TTLL5: variants seen among roughly 807,000 people sequenced by gnomAD.
The protein encoded by TTLL5 is tubulin polyglutamylase TTLL5.
In TTLL5, 132 loss-of-function variants were observed where a neutral mutation model predicts 168.4. The observed-to-expected ratio is 0.78, with a 90% confidence interval of 0.68 to 0.91. The LOEUF (loss-of-function observed/expected upper bound fraction) is 0.91, where lower values mean the gene tolerates loss of function less well. Ranked by LOEUF, TTLL5 falls within the 40% of genes least tolerant of loss-of-function variation. TTLL5 has a pLI of 0.00. For missense variants in TTLL5, 1,545 were observed against 1,581.5 expected (o/e 0.98, Z 0.39); for synonymous variants, 546 against 558.6 (o/e 0.98, Z 0.32).
chr14:75,732,561 C>T, intron 13 of TTLL5, 142 bp downstream of exon 13: 1 of 676,178 alleles, frequency 1.5e-6, no homozygotes. Flanking sequence ...TTTCTTAAAT[C>T]AGCTGGTTTA....
At chr14:75,781,860 G>A (rs756183460) in intron 24 of TTLL5, among the ~76,000 whole-genome samples, 1 of 151,824 alleles carries the variant, frequency 6.6e-6, no homozygotes, top group Non-Finnish European at 1.5e-5. Flanking sequence ...GGAGGCTGAG[G>A]CAGGAGAATC....
intron 31 of TTLL5, among the ~76,000 whole-genome samples, chr14:75,911,770 CA>C (rs1032122703): frequency 6.6e-6 from 1 of 152,182 alleles, no homozygotes; most frequent in Non-Finnish European, 1.5e-5. Context: ...ATGGAATTTT[CA>C]AAATCACAAC....
At chr14:75,795,198 G>T (rs187926790) in intron 27 of TTLL5, among the ~76,000 whole-genome samples, 1 of 152,122 alleles carries the variant, frequency 6.6e-6, no homozygotes, top group Admixed American at 6.5e-5. Flanking sequence ...TTAACCTCAG[G>T]GTCTTCACTG....
In TTLL5 at chr14:75,762,398, A is replaced by C. The variant is rs188385474; in HGVS notation, c.1551-2217A>C. Among the ~76,000 whole-genome samples the C allele has an allele frequency of 1.8e-4, 28 of 152,238 alleles. No homozygotes were observed. In the East Asian group the frequency reaches 3.1e-3, roughly 17 times the overall value. ...TGACAGAGCAAGACTCCGTCTCAAA[A>C]TAAATAAATAAATAAATAGTTGGAA... is the stretch of plus-strand genomic sequence containing the variant. On this transcript the variant is annotated intron_variant, in intron 18 of 31. Transcript: ENST00000298832.
At chr14:75,724,957 TG>T (rs1888097997) in intron 12 of TTLL5, among the ~76,000 whole-genome samples, 4 of 152,208 alleles carry the variant, frequency 2.6e-5, no homozygotes, top group African/African-American at 9.6e-5. Flanking sequence ...AAGATGTTGC[TG>T]CTGACAGTGG....
intron 5 of TTLL5, among the ~76,000 whole-genome samples, chr14:75,686,616 T>TC (rs937595103): frequency 7.2e-4 from 110 of 152,226 alleles, no homozygotes; most frequent in African/African-American, 2.6e-3. Context: ...TAAATGCTTT[T>TC]CCCCCTAAAA....
chr14:75,743,201 A>G (rs991547208), intron 15 of TTLL5, among the ~76,000 whole-genome samples: 5 of 152,246 alleles, frequency 3.3e-5, no homozygotes, highest in African/African-American at 1.2e-4. Context: ...ATAGATATCC[A>G]TCATGGAGTT....
intron 31 of TTLL5, among the ~76,000 whole-genome samples, chr14:75,912,383 A>G (rs2033428775): frequency 6.6e-6 from 1 of 152,188 alleles, no homozygotes; most frequent in Non-Finnish European, 1.5e-5. Context: ...CAATGTATGC[A>G]TGTCTGACCA....
At position 75,920,281 on chromosome 14, in the gene TTLL5, T is replaced by A. The variant is rs543395584; in HGVS notation, c.3823+18057T>A. Among the ~76,000 whole-genome samples the A allele has an allele frequency of 3.2e-4, 48 of 152,302 alleles. No individual in the cohort carries two copies. The Middle Eastern group carries it at 0.01, about 32-fold the overall frequency. ...ATAAAAAGATAACCCAATTTTTTTT[T>A]AAATTTAAGTTCTAGGGTACAAGTG... On this transcript the variant is annotated intron_variant, in intron 31 of 31. Transcript: ENST00000298832.
At chr14:75,822,829 G>GGTCT (rs987613033) in intron 28 of TTLL5, among the ~76,000 whole-genome samples, 49 of 152,216 alleles carry the variant, frequency 3.2e-4, no homozygotes, top group African/African-American at 1.1e-3. Flanking sequence ...TGGTTCCTTT[G>GGTCT]GTCTGTCTGG....
At chr14:75,820,409 G>C (rs1894757195) in intron 28 of TTLL5, among the ~76,000 whole-genome samples, 1 of 152,054 alleles carries the variant, frequency 6.6e-6, no homozygotes, top group African/African-American at 2.4e-5. Context: ...AAAAGAGCAA[G>C]AATTTACACT....
chr14:75,866,653 A>T (rs1330310898), intron 29 of TTLL5, among the ~76,000 whole-genome samples: 1 of 152,220 alleles, frequency 6.6e-6, no homozygotes, highest in Non-Finnish European at 1.5e-5. Context: ...TTCGGCCTCC[A>T]GTCAGAACAC....
At chr14:75,935,384 T>G (rs1287244379) in intron 31 of TTLL5, among the ~76,000 whole-genome samples, 2 of 152,230 alleles carry the variant, frequency 1.3e-5, no homozygotes, top group Non-Finnish European at 2.9e-5. Context: ...ATAATTTAGC[T>G]CCTGCTTCAT....
At position 75,887,128 on chromosome 14, in the gene TTLL5, T is replaced by G. The variant is rs138585285; in HGVS notation, c.3740+4226T>G. 2.4e-5 allele frequency: 26 copies of G among 1,064,558 alleles called. No individual in the cohort carries two copies. In the African/African-American group the frequency reaches 2.7e-4, roughly 11 times the overall value. The allele number at this position is 1,064,558 out of a possible 1,614,324, so 65.9% of individuals were successfully genotyped here. On this transcript the variant is annotated intron_variant, in intron 30 of 31. Transcript: ENST00000298832. ...TCTGTGTCAGCACCCAGGACAGTGG[T>G]GTCTGTTAAGGCTGCCAGGGATTAG... is the stretch of plus-strand genomic sequence containing the variant.
At chr14:75,761,067 G>A (rs898406719) in intron 18 of TTLL5, among the ~76,000 whole-genome samples, 2 of 151,932 alleles carry the variant, frequency 1.3e-5, no homozygotes, top group Non-Finnish European at 2.9e-5. Flanking sequence ...AATTACAAAA[G>A]GATAAAATAT....
chr14:75,888,303 A>G (rs930611661), intron 30 of TTLL5, among the ~76,000 whole-genome samples: 6 of 152,182 alleles, frequency 3.9e-5, no homozygotes, highest in African/African-American at 1.4e-4. Context: ...TCATGGAATG[A>G]TGGGTCTTCC....
At chr14:75,880,993 A>C (rs1198974324) in intron 29 of TTLL5, among the ~76,000 whole-genome samples, 1 of 151,934 alleles carries the variant, frequency 6.6e-6, no homozygotes, top group Admixed American at 6.5e-5. Flanking sequence ...CACCCTTTGC[A>C]ACCTTCACCT....
At chr14:75,791,793 A>G (rs1892744770) in intron 26 of TTLL5, among the ~76,000 whole-genome samples, 1 of 152,214 alleles carries the variant, frequency 6.6e-6, no homozygotes, top group African/African-American at 2.4e-5. Flanking sequence ...GATCATTGTT[A>G]TATTAGCATT....
chr14:75,761,378 C>T (rs1360154598), intron 18 of TTLL5, among the ~76,000 whole-genome samples: 1 of 152,126 alleles, frequency 6.6e-6, no homozygotes, highest in Non-Finnish European at 1.5e-5. Context: ...TAAACATAAT[C>T]ACAAAACAGC....
Sources: allele counts gnomAD v4.1 joint callset (sites outside exome capture counted in the v4.1 genomes callset), GRCh38; gene constraint gnomAD v4.1.1; transcripts MANE v1.5; gene names NCBI Gene and HGNC (gene_info 2026-07-23, HGNC 2026-07-21).